KCMF1: variants seen among roughly 807,000 people sequenced by gnomAD.
KCMF1 encodes potassium channel modulatory factor 1.
A neutral mutation model predicts 41.1 loss-of-function variants in KCMF1; 3 were observed. The observed-to-expected ratio is 0.07, with a 90% CI of 0.03 to 0.19. KCMF1 has a LOEUF of 0.19. Among genes scored for constraint, KCMF1 ranks in the 10% least tolerant of loss-of-function variants. KCMF1 has a pLI of 1.00. For missense variants in KCMF1, 286 were observed against 488.9 expected, an observed-to-expected ratio of 0.58 and a Z score of 3.91; for synonymous variants, 142 against 164.5, an observed-to-expected ratio of 0.86 and a Z score of 1.04.
At position 84,993,548 on chromosome 2, in the gene KCMF1, ATTAT is replaced by A. The variant is rs148006042; in HGVS notation, c.16+22120_16+22123del. Among the ~76,000 whole-genome samples the A allele has an allele frequency of 7.1e-3, 1,032 of 146,010 alleles. 2 individuals are homozygous for A. Among genetic ancestry groups the A allele is most frequent in the African/African-American group, 8.2e-3 (323 of 39,560 alleles). On this transcript the variant is annotated intron_variant, in intron 1 of 6. Transcript: ENST00000409785. The stretch of plus-strand genomic sequence containing the variant: ...ATTTTTTGGTCAATTCTCTACCCCC[ATTAT>A]TTATTTATTTATTTATTTATTTATT...
At chr2:85,020,449 G>C (rs1448860289) in intron 1 of KCMF1, among the ~76,000 whole-genome samples, 1 of 152,032 alleles carries the variant, frequency 6.6e-6, no homozygotes. Context: ...TTTTATTTGA[G>C]ATAGGGTCTC....
At chr2:84,993,929 TTTGTTTTG>T (rs1247033599) in intron 1 of KCMF1, among the ~76,000 whole-genome samples, 1 of 143,162 alleles carries the variant, frequency 7.0e-6, no homozygotes. Context: ...TTTGTTTTGT[TTTGTTTTG>T]TTTTGTTTTG....
intron 1 of KCMF1, among the ~76,000 whole-genome samples, chr2:85,020,936 C>T (rs939773993): frequency 6.6e-6 from 1 of 152,066 alleles, no homozygotes; most frequent in Non-Finnish European, 1.5e-5. Context: ...GTTGTATGAT[C>T]ATAGCTCACA....
chr2:85,042,088 A>G (rs1675554136), intron 3 of KCMF1, among the ~76,000 whole-genome samples: 1 of 152,056 alleles, frequency 6.6e-6, no homozygotes, highest in African/African-American at 2.4e-5. Context: ...AGGTCTATCT[A>G]CTTCTTTTTC....
rs1553378172 is a variant in KCMF1 at position 84,998,592 on chromosome 2, T to TTTATTTAC, written c.16+27128_16+27129insTTTACTTA. 6.0e-3 allele frequency among the ~76,000 whole-genome samples: 911 copies of TTTATTTAC among 151,372 alleles called. 23 individuals are homozygous for TTTATTTAC. In the East Asian group the frequency reaches 0.073, roughly 12 times the overall value. ...CCTTATTTATTTATTTATTTATTTA[T>TTTATTTAC]TTACTTACTTACTTACTTACTTATT... is the stretch of plus-strand genomic sequence containing the variant. On this transcript the variant is annotated intron_variant, in intron 1 of 6. Transcript: ENST00000409785.
At position 85,054,535 on chromosome 2, in the gene KCMF1, TATTA is replaced by T. The variant is rs1675883778; in HGVS notation, c.*1129_*1132del. The T allele has an allele frequency of 6.6e-6, 1 of 152,190 alleles. No individual in the cohort carries two copies. Among genetic ancestry groups the T allele is most frequent in the Non-Finnish European group, 1.5e-5 (1 of 68,044 alleles). 9.4% of individuals were successfully genotyped at this position (152,190 alleles called of 1,614,324 possible). A position where few individuals can be genotyped will look rare whatever the true frequency, so the allele number is the denominator to read the frequency against. On this transcript the variant is annotated 3_prime_UTR_variant, in exon 7 of 7. Coordinates refer to ENST00000409785, the MANE Select transcript of KCMF1 (RefSeq NM_020122.5). Reference sequence around the variant, plus strand: ...AATCATGCCACCTATATGCCTATATTATTAATCCTATGTGTAAAAAAAATGTACA... The same window carrying T: ...AATCATGCCACCTATATGCCTATATTATCCTATGTGTAAAAAAAATGTACA...
chr2:85,000,121 T>C (rs1035322192), intron 1 of KCMF1, among the ~76,000 whole-genome samples: 4 of 152,154 alleles, frequency 2.6e-5, no homozygotes, highest in African/African-American at 9.7e-5. Context: ...TCATAAAAAA[T>C]TAAATATAAC....
At chr2:84,998,932 A>G (rs894673049) in intron 1 of KCMF1, among the ~76,000 whole-genome samples, 1 of 85,838 alleles carries the variant, frequency 1.2e-5, no homozygotes, top group Non-Finnish European at 2.5e-5. Context: ...CTATCTATCT[A>G]TCTATCTATC....
chr2:85,028,400 G>A (rs1675167955), intron 2 of KCMF1, among the ~76,000 whole-genome samples: 1 of 150,816 alleles, frequency 6.6e-6, no homozygotes, highest in Non-Finnish European at 1.5e-5. Flanking sequence ...GGCCAGACTG[G>A]TCTCGAACTC....
intron 1 of KCMF1, among the ~76,000 whole-genome samples, chr2:84,976,820 A>T (rs1048136194): frequency 6.6e-6 from 1 of 152,082 alleles, no homozygotes; most frequent in African/African-American, 2.4e-5. Context: ...TGTAAAATAC[A>T]AGACTACGTA....
In KCMF1 at chr2:84,986,017, A is replaced by G. The variant is rs145631089; in HGVS notation, c.16+14550A>G. Among the ~76,000 whole-genome samples, 17 of 152,318 alleles carry G rather than the reference A, an allele frequency of 1.1e-4. No homozygotes were observed. The East Asian group carries it at 2.7e-3, about 24-fold the overall frequency. ...CTTTGAAACATATACTTTGTTTTCT[A>G]TTCTGCTTCATTAAAAACCAAAATA... is the stretch of plus-strand genomic sequence containing the variant. On this transcript the variant is annotated intron_variant, in intron 1 of 6. Coordinates refer to ENST00000409785, the MANE Select transcript of KCMF1 (RefSeq NM_020122.5).
chr2:84,974,691 ATTTTTTTTT>A (rs869056943), intron 1 of KCMF1, among the ~76,000 whole-genome samples: 42 of 14,580 alleles, frequency 2.9e-3, no homozygotes, highest in Admixed American at 3.6e-3. Context: ...ATATATATAT[ATTTTTTTTT>A]TTTTTTTTTT....
chr2:85,029,441 A>G (rs1263109560), intron 2 of KCMF1, among the ~76,000 whole-genome samples: 2 of 151,926 alleles, frequency 1.3e-5, no homozygotes, highest in Non-Finnish European at 2.9e-5. Context: ...GAAAAATACA[A>G]TAAATTAGCT....
At position 84,989,103 on chromosome 2, in the gene KCMF1, C is replaced by T. The variant is rs1217711140; in HGVS notation, c.16+17636C>T. Among the ~76,000 whole-genome samples the T allele has an allele frequency of 2.0e-5, 3 of 152,182 alleles. No homozygotes were observed. In the East Asian group the frequency reaches 5.8e-4, roughly 29 times the overall value. On this transcript the variant is annotated intron_variant, in intron 1 of 6. Transcript: ENST00000409785. ...TTCTCCACGGGCCATAGTTTGCTGA[C>T]CTCTGCTTTAATCGATTCTTCTAAT...
Position 85,049,638 on chromosome 2 carries a change from C to G in KCMF1, c.874C>G (p.Leu292Val), listed in dbSNP as rs768416725. 1.2e-6 allele frequency: 2 copies of G among 1,611,326 alleles called. No homozygotes were observed. Among genetic ancestry groups the G allele is most frequent in the Admixed American group, 3.3e-5 (2 of 59,794 alleles). ...SQQTLQNSQF[L>V]LTRLNDPKMS... The stretch of plus-strand genomic sequence containing the variant: ...GCAGACTCTACAGAATTCCCAGTTT[C>G]TTTTAACAAGGTAGCTCATTTGTTA... The change falls in exon 6 of 7, where the codon CTT (leucine) becomes GTT (valine). Residue 292 changes from leucine (L) to valine (V), a missense_variant. Physicochemically the swap from Leu to Val is conservative, Grantham distance 32. Transcript: ENST00000409785.
chr2:84,993,422 T>G (rs575778303), intron 1 of KCMF1, among the ~76,000 whole-genome samples: 1 of 152,134 alleles, frequency 6.6e-6, no homozygotes, highest in African/African-American at 2.4e-5. Context: ...TGATAATCAC[T>G]TTTTTCTGTT....
At position 85,034,936 on chromosome 2, in the gene KCMF1, T is replaced by G. The variant is rs41288833; in HGVS notation, c.185-80T>G. The G allele has an allele frequency of 5.7e-3, 7,150 of 1,246,132 alleles. 43 individuals carry two copies. The highest frequency in any genetic ancestry group is 6.3e-3 in the Non-Finnish European group (5,692 of 899,608). The allele number at this position is 1,246,132 out of a possible 1,614,324, so 77.2% of individuals were successfully genotyped here. A position where few individuals can be genotyped will look rare whatever the true frequency, so the allele number is the denominator to read the frequency against. ...TGCTCCTGGCCCACACTTTCTTTTTTACATTATTGTATCGTACGATTACAT... is the reference window on the plus strand; with the variant it reads ...TGCTCCTGGCCCACACTTTCTTTTTGACATTATTGTATCGTACGATTACAT... On this transcript the variant is annotated intron_variant, in intron 2 of 6. Transcript: ENST00000409785.
chr2:85,000,145 A>AT, intron 1 of KCMF1, among the ~76,000 whole-genome samples: 1 of 151,938 alleles, frequency 6.6e-6, no homozygotes, highest in Middle Eastern at 3.2e-3. Flanking sequence ...GACGATATTG[A>AT]TTTTTTTTGA....
intron 1 of KCMF1, among the ~76,000 whole-genome samples, chr2:85,021,156 T>C (rs1439549215): frequency 2.0e-5 from 3 of 152,328 alleles, no homozygotes; most frequent in African/African-American, 7.2e-5. Context: ...TAATCGATAT[T>C]TGTTGAATTT....
Sources: gnomAD v4.1 joint callset for allele counts (sites outside exome capture counted in the v4.1 genomes callset) on GRCh38, gnomAD v4.1.1 for gene constraint, MANE v1.5 for transcripts, NCBI Gene and HGNC (gene_info 2026-07-23, HGNC 2026-07-21) for gene names.